The following FMR1NB variants were observed in gnomAD, a reference collection of about 807,000 sequenced individuals.
FMR1NB encodes FMR1 neighbor protein.
Under a neutral mutation model 16.8 loss-of-function variants are expected in FMR1NB, and 10 were observed. The observed-to-expected ratio is 0.60, with a 90% CI of 0.37 to 1.01. The LOEUF (loss-of-function observed/expected upper bound fraction) is 1.01. Among genes scored for constraint, FMR1NB ranks in the 50% least tolerant of loss-of-function variants. The pLI is 0.01. For missense variants in FMR1NB, 205 were observed against 204.8 expected, an observed-to-expected ratio of 1.00 and a Z score of 0.00; for synonymous variants, 83 against 79.1, an observed-to-expected ratio of 1.05 and a Z score of -0.26.
In FMR1NB at chrX:148,021,462, G is replaced by C. The variant is rs2044678323; in HGVS notation, c.633-3403G>C. ...GGTGTTCCTATGGCGGGGTAGGATG[G>C]GGGTAATTGTTAGAGCATTCTGTTC... is the stretch of plus-strand genomic sequence containing the variant. On this transcript the variant is annotated intron_variant, in intron 4 of 5. Coordinates refer to ENST00000370467, the MANE Select transcript of FMR1NB (RefSeq NM_152578.3). 3.7e-5 allele frequency among the ~76,000 whole-genome samples: 4 copies of C among 107,816 alleles called. No homozygotes were observed. In the South Asian group the frequency reaches 1.7e-3, roughly 45 times the overall value. The allele number at this position is 107,816 out of a possible 115,157, so 93.6% of individuals were successfully genotyped here. A position where few individuals can be genotyped will look rare whatever the true frequency, so the allele number is the denominator to read the frequency against.
chrX:147,981,814 G>A, intron 1 of FMR1NB, 135 bp downstream of exon 1: 1 of 708,740 alleles, frequency 1.4e-6, no homozygotes, highest in East Asian at 3.5e-5. Flanking sequence ...CCTCCCAAAG[G>A]CCTTTATGGC....
At chrX:147,986,387 C>T in intron 1 of FMR1NB, among the ~76,000 whole-genome samples, 1 of 112,025 alleles carries the variant, frequency 8.9e-6, no homozygotes, top group Non-Finnish European at 1.9e-5. Flanking sequence ...GTCATGAAGC[C>T]TTTGCCCATG....
intron 4 of FMR1NB, among the ~76,000 whole-genome samples, chrX:148,011,178 C>T (rs1207112582): frequency 8.1e-5 from 9 of 110,470 alleles, no homozygotes; most frequent in Admixed American, 2.9e-4. Context: ...GCAGGAGAAT[C>T]GCTTGAACCC....
At chrX:148,000,303 C>T (rs1557188562) in intron 1 of FMR1NB, among the ~76,000 whole-genome samples, 1 of 111,989 alleles carries the variant, frequency 8.9e-6, no homozygotes, top group Non-Finnish European at 1.9e-5. Flanking sequence ...CAGACTTTTT[C>T]TGGATGAGTT....
chrX:148,024,210 C>A (rs1176644357), intron 4 of FMR1NB, among the ~76,000 whole-genome samples: 1 of 111,716 alleles, frequency 9.0e-6, no homozygotes, highest in Non-Finnish European at 1.9e-5. Flanking sequence ...TTATCTGTGA[C>A]CTTGGGTGAA....
intron 3 of FMR1NB, among the ~76,000 whole-genome samples, chrX:148,007,637 T>C (rs1327453854): frequency 1.8e-5 from 2 of 111,313 alleles, no homozygotes; most frequent in African/African-American, 6.5e-5. Context: ...TTTTTTTCTT[T>C]ACAAAGTTTT....
chrX:148,010,696 T>C (rs1429230722), intron 4 of FMR1NB, among the ~76,000 whole-genome samples: 1 of 111,753 alleles, frequency 8.9e-6, no homozygotes, highest in Non-Finnish European at 1.9e-5. Context: ...CAATTGTTTG[T>C]CCAAATCAGA....
intron 1 of FMR1NB, among the ~76,000 whole-genome samples, chrX:147,999,418 G>T (rs1404517679): frequency 3.6e-5 from 4 of 111,967 alleles, no homozygotes; most frequent in African/African-American, 1.3e-4. Context: ...CTCATGTCAT[G>T]TAGGACAGAG....
intron 2 of FMR1NB, among the ~76,000 whole-genome samples, chrX:148,003,991 T>C (rs1357877853): frequency 8.9e-6 from 1 of 112,345 alleles, no homozygotes; most frequent in Non-Finnish European, 1.9e-5. Context: ...AAATTTGATA[T>C]ACTCTATAAG....
chrX:148,026,420 G>C (rs1218738791), intron 5 of FMR1NB, 82 bp from the exon 6 acceptor site: 4 of 111,322 alleles, frequency 3.6e-5, no homozygotes, highest in Non-Finnish European at 5.7e-5. Context: ...TTTTGTTGCA[G>C]GGACTTCTTT....
intron 1 of FMR1NB, among the ~76,000 whole-genome samples, chrX:147,994,726 A>G (rs2044533316): frequency 8.9e-6 from 1 of 112,362 alleles, no homozygotes; most frequent in Non-Finnish European, 1.9e-5. Flanking sequence ...TACTTTTTCC[A>G]TTATAGGTCT....
intron 1 of FMR1NB, among the ~76,000 whole-genome samples, chrX:147,992,410 C>T (rs200612209): frequency 6.2e-5 from 1 of 16,060 alleles, no homozygotes; most frequent in Non-Finnish European, 1.0e-4. Flanking sequence ...CAGTAGGGGC[C>T]GCCGGGCAGA....
rs370744869 is a variant in FMR1NB at position 147,981,380 on chromosome X, T to C, written c.-23T>C. On this transcript the variant is annotated 5_prime_UTR_variant, in exon 1 of 6. Coordinates refer to ENST00000370467, the MANE Select transcript of FMR1NB (RefSeq NM_152578.3). ...GACCGTTGGGCTGTGAGGCAGCGTC[T>C]CAGCGAGGCGGCACCCGGAGCCATG... The C allele has an allele frequency of 1.2e-5, 14 of 1,188,983 alleles. No individual in the cohort carries two copies. The highest frequency in any genetic ancestry group is 1.8e-5 in the African/African-American group (1 of 55,547).
At chrX:147,997,852 A>G (rs12689858) in intron 1 of FMR1NB, among the ~76,000 whole-genome samples, 13,682 of 112,029 alleles carry the variant, frequency 0.12, 978 homozygotes, top group East Asian at 0.57. Flanking sequence ...CATATGAAAA[A>G]AAACTCATCA....
intron 4 of FMR1NB, 97 bp downstream of exon 4, chrX:148,008,808 A>T (rs1194382770): frequency 4.1e-6 from 3 of 736,381 alleles, no homozygotes; most frequent in Non-Finnish European, 6.0e-6. Flanking sequence ...TACAGGGATT[A>T]TGTTTGGGTT....
At chrX:148,018,792 A>G (rs1323175771) in intron 4 of FMR1NB, among the ~76,000 whole-genome samples, 2 of 111,877 alleles carry the variant, frequency 1.8e-5, no homozygotes, top group Non-Finnish European at 3.8e-5. Flanking sequence ...AAACACCAAA[A>G]GCAATGACAA....
chrX:148,016,788 T>A (rs782723999), intron 4 of FMR1NB, among the ~76,000 whole-genome samples: 1 of 111,423 alleles, frequency 9.0e-6, no homozygotes, highest in Non-Finnish European at 1.9e-5. Flanking sequence ...AACTTTTTAT[T>A]GTTTCTGCTT....
At chrX:147,995,888 G>T (rs1215014345) in intron 1 of FMR1NB, among the ~76,000 whole-genome samples, 1 of 112,084 alleles carries the variant, frequency 8.9e-6, no homozygotes, top group Admixed American at 9.5e-5. Flanking sequence ...GGAATCAAGA[G>T]ATCTAGGTTG....
At chrX:148,020,152 T>A (rs1446341333) in intron 4 of FMR1NB, among the ~76,000 whole-genome samples, 1 of 106,991 alleles carries the variant, frequency 9.3e-6, no homozygotes, top group East Asian at 2.8e-4. Flanking sequence ...TTCCCCTTTC[T>A]ACAGGCAGAA....
Sources: gnomAD v4.1 joint callset for allele counts (sites outside exome capture counted in the v4.1 genomes callset) on GRCh38, gnomAD v4.1.1 for gene constraint, MANE v1.5 for transcripts, NCBI Gene and HGNC (gene_info 2026-07-23, HGNC 2026-07-21) for gene names.